Variants in RNF150 observed in about 807,000 individuals in gnomAD.
The protein encoded by RNF150 is ring finger protein 150.
RNF150 carries 24 observed loss-of-function variants against 39.3 expected under a neutral mutation model. That is an observed-to-expected ratio of 0.61 (90% CI 0.44 to 0.86). The LOEUF (loss-of-function observed/expected upper bound fraction) is 0.86, where lower values mean the gene tolerates loss of function less well. Among genes scored for constraint, RNF150 ranks in the 40% least tolerant of loss-of-function variants. The pLI is 0.00. For missense variants in RNF150, 502 were observed against 587.8 expected (o/e 0.85, Z 1.51); for synonymous variants, 255 against 227.3 (o/e 1.12, Z -1.10).
At chr4:141,159,917 T>TC (rs930029309) in intron 1 of RNF150, among the ~76,000 whole-genome samples, 2 of 152,164 alleles carry the variant, frequency 1.3e-5, no homozygotes, top group African/African-American at 4.8e-5. Flanking sequence ...TGGTGTGTTT[T>TC]TTTTTCAAAC....
intron 4 of RNF150, among the ~76,000 whole-genome samples, chr4:140,938,367 G>C (rs530357509): frequency 4.4e-4 from 67 of 152,118 alleles, no homozygotes; most frequent in African/African-American, 1.6e-3. Flanking sequence ...TGAGTGAGAG[G>C]CTGCCCTAGC....
At position 140,969,725 on chromosome 4, in the gene RNF150, G is replaced by A. The variant is rs139658906; in HGVS notation, c.485-1852C>T. On this transcript the variant is annotated intron_variant, in intron 1 of 6. Transcript: ENST00000515673. ...ACAGGATCTTGGGGTTATTTATGAG[G>A]CTTTGGATGTTCAGAAATGCACAAG... Among the ~76,000 whole-genome samples, 434 of 144,730 alleles carry A rather than the reference G, an allele frequency of 3.0e-3. 1 individual carries two copies. The highest frequency in any genetic ancestry group is 0.015 in the East Asian group (77 of 5,036). The allele number at this position is 144,730 out of a possible 152,430, so 94.9% of individuals were successfully genotyped here.
intron 1 of RNF150, among the ~76,000 whole-genome samples, chr4:141,096,390 G>C (rs1484204435): frequency 6.6e-6 from 1 of 151,658 alleles, no homozygotes; most frequent in Non-Finnish European, 1.5e-5. Flanking sequence ...TAGAGATGGG[G>C]TTTCACCATG....
rs78139438 is a variant in RNF150, at chr4:140,915,488, A to C, written c.988-4134T>G. 3.6e-3 allele frequency among the ~76,000 whole-genome samples: 553 copies of C among 152,338 alleles called. 2 individuals carry two copies. The highest frequency in any genetic ancestry group is 0.01 in the Middle Eastern group (3 of 294). ...GATCCTGACTTTGTCATTCCCTAGG[A>C]GAAAAACAGAAAAGGCTTGGGAGGC... On this transcript the variant is annotated intron_variant, in intron 5 of 6. Transcript: ENST00000515673.
intron 1 of RNF150, among the ~76,000 whole-genome samples, chr4:141,168,384 G>C (rs1427983513): frequency 6.6e-6 from 1 of 152,150 alleles, no homozygotes; most frequent in Non-Finnish European, 1.5e-5. Flanking sequence ...AAGACAATGT[G>C]GTGATTCCTC....
chr4:141,179,799 A>G (rs777546072), intron 1 of RNF150, among the ~76,000 whole-genome samples: 6 of 152,276 alleles, frequency 3.9e-5, no homozygotes, highest in Non-Finnish European at 7.4e-5. Flanking sequence ...GAGCCAGAAG[A>G]TCTCCTCTTA....
At chr4:141,175,422 G>C (rs1727792441) in intron 1 of RNF150, among the ~76,000 whole-genome samples, 1 of 152,176 alleles carries the variant, frequency 6.6e-6, no homozygotes, top group South Asian at 2.1e-4. Context: ...CAATTTTAAT[G>C]ACAAGATAAT....
intron 1 of RNF150, among the ~76,000 whole-genome samples, chr4:141,208,368 A>T (rs191422809): frequency 8.3e-4 from 127 of 152,318 alleles, no homozygotes; most frequent in Admixed American, 1.9e-3. Flanking sequence ...AGCAAGGAAA[A>T]AAAAAGGCAA....
At chr4:140,967,556 T>C (rs368914153) in intron 2 of RNF150, 67 bp downstream of exon 2, 11 of 1,423,468 alleles carry the variant, frequency 7.7e-6, no homozygotes, top group South Asian at 7.2e-5. Context: ...TTTTCTGTCA[T>C]GTTCAAAGAT....
intron 1 of RNF150, among the ~76,000 whole-genome samples, chr4:140,991,329 G>A (rs1734190699): frequency 6.6e-6 from 1 of 152,058 alleles, no homozygotes. Context: ...TTCTTTTGCT[G>A]TGCAGAAGCT....
At chr4:141,086,450 T>C (rs939173628) in intron 1 of RNF150, among the ~76,000 whole-genome samples, 5 of 152,140 alleles carry the variant, frequency 3.3e-5, no homozygotes, top group Admixed American at 2.6e-4. Context: ...TTGCTTTAAT[T>C]TGAATTTTGT....
chr4:140,992,890 G>A (rs990531805), intron 1 of RNF150, among the ~76,000 whole-genome samples: 6 of 152,118 alleles, frequency 3.9e-5, no homozygotes, highest in African/African-American at 1.4e-4. Flanking sequence ...AACAATGACA[G>A]GACAGCCTCT....
At chr4:141,068,510 T>A (rs1350383432) in intron 1 of RNF150, among the ~76,000 whole-genome samples, 1 of 152,118 alleles carries the variant, frequency 6.6e-6, no homozygotes, top group African/African-American at 2.4e-5. Context: ...CCAGCTTTGT[T>A]CTTTTGGCTT....
intron 2 of RNF150, among the ~76,000 whole-genome samples, chr4:140,965,208 G>A (rs182515543): frequency 2.2e-4 from 33 of 152,196 alleles, no homozygotes; most frequent in Admixed American, 5.9e-4. Context: ...ACACCTGTTA[G>A]GACGTCTATC....
chr4:140,969,890 A>C (rs1264714268), intron 1 of RNF150, among the ~76,000 whole-genome samples: 1 of 150,586 alleles, frequency 6.6e-6, no homozygotes, highest in Non-Finnish European at 1.5e-5. Flanking sequence ...CAGCCTCCCA[A>C]GTAGCTGGGA....
intron 1 of RNF150, among the ~76,000 whole-genome samples, chr4:141,027,828 G>A (rs1735762466): frequency 6.7e-6 from 1 of 149,348 alleles, no homozygotes; most frequent in Non-Finnish European, 1.5e-5. Context: ...CTTATTCAAG[G>A]ACATTTGGAT....
chr4:141,156,985 C>T (rs142475899), intron 1 of RNF150, among the ~76,000 whole-genome samples: 5 of 152,238 alleles, frequency 3.3e-5, no homozygotes, highest in African/African-American at 9.6e-5. Flanking sequence ...AGAGCAGCAA[C>T]ACCTTGTGGT....
At chr4:140,962,366 T>C (rs1733073274) in intron 2 of RNF150, among the ~76,000 whole-genome samples, 1 of 151,786 alleles carries the variant, frequency 6.6e-6, no homozygotes, top group African/African-American at 2.4e-5. Context: ...AGTGCATATG[T>C]GCATATATAA....
At chr4:141,045,653 C>T (rs994475911) in intron 1 of RNF150, among the ~76,000 whole-genome samples, 4 of 152,220 alleles carry the variant, frequency 2.6e-5, no homozygotes, top group Non-Finnish European at 5.9e-5. Context: ...AAGCAATTCT[C>T]CTTTCTTGGC....
Sources: gnomAD v4.1 joint callset for allele counts (sites outside exome capture counted in the v4.1 genomes callset) on GRCh38, gnomAD v4.1.1 for gene constraint, MANE v1.5 for transcripts, NCBI Gene and HGNC (gene_info 2026-07-23, HGNC 2026-07-21) for gene names.